The following CNTN6 variants were observed in gnomAD, a reference collection of about 807,000 sequenced individuals.
CNTN6 encodes contactin-6.
CNTN6 carries 137 observed loss-of-function variants against 122.8 expected under a neutral mutation model. The ratio of observed to expected loss-of-function variants is 1.12; its 90% CI spans 0.97 to 1.29. The LOEUF (loss-of-function observed/expected upper bound fraction) is 1.29, where lower values mean the gene tolerates loss of function less well. Ranked by LOEUF, CNTN6 falls within the 50% of genes most tolerant of loss-of-function variation. The probability of loss-of-function intolerance (pLI) is 0.00; values close to 1 mark genes in which losing one functional copy is unlikely to be tolerated. For synonymous variants in CNTN6, 570 were observed against 426.0 expected (o/e 1.34, Z -4.16); for missense variants, 1,634 against 1,223.4 (o/e 1.34, Z -5.01).
chr3:1,154,976 C>G (rs978656350), intron 2 of CNTN6, among the ~76,000 whole-genome samples: 2 of 152,094 alleles, frequency 1.3e-5, no homozygotes, highest in African/African-American at 4.8e-5. Context: ...GCTGTTCAGT[C>G]GTGTGAAACA....
At chr3:1,249,660 C>T (rs1320405565) in intron 4 of CNTN6, among the ~76,000 whole-genome samples, 1 of 152,180 alleles carries the variant, frequency 6.6e-6, no homozygotes, top group Non-Finnish European at 1.5e-5. Context: ...GATCTACTTT[C>T]ACATACATAT....
intron 4 of CNTN6, among the ~76,000 whole-genome samples, chr3:1,229,944 A>C (rs904211086): frequency 6.6e-6 from 1 of 152,200 alleles, no homozygotes; most frequent in African/African-American, 2.4e-5. Flanking sequence ...AAGAGCTTGC[A>C]AAAGCAAGGA....
chr3:1,268,511 G>A (rs1356148568), intron 4 of CNTN6, among the ~76,000 whole-genome samples: 2 of 149,788 alleles, frequency 1.3e-5, no homozygotes, highest in Non-Finnish European at 3.0e-5. Context: ...GGAGGCTGAG[G>A]CAGGAGAATG....
chr3:1,278,105 C>G (rs1460028917), intron 4 of CNTN6, among the ~76,000 whole-genome samples: 1 of 152,208 alleles, frequency 6.6e-6, no homozygotes, highest in Non-Finnish European at 1.5e-5. Flanking sequence ...CTTCCTTGGA[C>G]AGACAAAGTA....
At chr3:1,387,577 T>C (rs1389687719) in intron 20 of CNTN6, among the ~76,000 whole-genome samples, 1 of 152,082 alleles carries the variant, frequency 6.6e-6, no homozygotes, top group Admixed American at 6.5e-5. Flanking sequence ...GGAGCCAAGA[T>C]GGCCGAATAG....
intron 2 of CNTN6, among the ~76,000 whole-genome samples, chr3:1,196,776 G>T (rs575324203): frequency 6.6e-6 from 1 of 151,910 alleles, no homozygotes; most frequent in Non-Finnish European, 1.5e-5. Context: ...TTATTTATTC[G>T]CCAAATATGT....
chr3:1,320,658 G>A (rs1186985463), intron 7 of CNTN6, among the ~76,000 whole-genome samples: 1 of 151,724 alleles, frequency 6.6e-6, no homozygotes, highest in Non-Finnish European at 1.5e-5. Context: ...AATGAAGAAT[G>A]ACTTGACAAG....
At chr3:1,299,644 T>C (rs1696862945) in intron 7 of CNTN6, among the ~76,000 whole-genome samples, 1 of 152,202 alleles carries the variant, frequency 6.6e-6, no homozygotes, top group South Asian at 2.1e-4. Context: ...TTCAATCTTA[T>C]GTTTCTATTC....
intron 2 of CNTN6, among the ~76,000 whole-genome samples, chr3:1,214,024 A>G (rs983031113): frequency 4.6e-5 from 7 of 151,834 alleles, no homozygotes; most frequent in South Asian, 2.1e-4. Context: ...TCATTTTTCT[A>G]TTTTGTTGTT....
At chr3:1,124,365 TCTC>T (rs2092079506) in intron 1 of CNTN6, among the ~76,000 whole-genome samples, 1 of 151,832 alleles carries the variant, frequency 6.6e-6, no homozygotes, top group African/African-American at 2.4e-5. Context: ...TTCCCCTCCA[TCTC>T]CTCCAAACAC....
chr3:1,377,615 T>A (rs566367861), intron 17 of CNTN6, among the ~76,000 whole-genome samples: 90 of 152,182 alleles, frequency 5.9e-4, no homozygotes, highest in Non-Finnish European at 1.1e-3. Flanking sequence ...AACTGGAGTA[T>A]AAACGTTAGA....
chr3:1,344,069 TTAAG>T (rs1704288801), intron 11 of CNTN6, among the ~76,000 whole-genome samples: 1 of 152,056 alleles, frequency 6.6e-6, no homozygotes, highest in African/African-American at 2.4e-5. Context: ...GGGGCTGCGG[TTAAG>T]TTAGTTATTG....
intron 1 of CNTN6, among the ~76,000 whole-genome samples, chr3:1,131,082 C>G (rs190365675): frequency 1.3e-5 from 2 of 152,194 alleles, no homozygotes; most frequent in East Asian, 3.9e-4. Flanking sequence ...ATAAAGCTGG[C>G]TGCTGCTAAG....
At chr3:1,330,552 C>A (rs568848221) in intron 11 of CNTN6, among the ~76,000 whole-genome samples, 5 of 151,940 alleles carry the variant, frequency 3.3e-5, no homozygotes, top group South Asian at 2.1e-4. Context: ...TACCGTAGAG[C>A]CTTGTATACA....
rs1020707831 is a variant in CNTN6 at position 1,228,129 on chromosome 3, A to G, written c.358+136A>G. 5 of 736,796 alleles carry G rather than the reference A, an allele frequency of 6.8e-6. No individual in the cohort carries two copies. The East Asian group carries it at 1.1e-4, about 16-fold the overall frequency. 45.6% of individuals were successfully genotyped at this position (736,796 alleles called of 1,614,324 possible). On this transcript the variant is annotated intron_variant, in intron 4 of 22. Transcript: ENST00000446702. ...ACTTTATGGGCTTTTGACAATGTTC[A>G]TTTTGTGAATCTAGATTCTTGGGTA...
At position 1,297,900 on chromosome 3, in the gene CNTN6, G is replaced by T. The variant is rs370986050; in HGVS notation, c.670G>T (p.Glu224Ter). ...TTGATATTTAACAGGTGTGATGGGG[G>T]AATATGAACCAAAGATTGAAGTGCG... ...LVQRTDGVMG[E>*]YEPKIEVRFP... Residue 224 changes from glutamate to a stop codon, truncating the protein, a stop_gained, in exon 7 of 23, where the codon GAA (glutamate) becomes TAA (stop). Coordinates refer to ENST00000446702, the MANE Select transcript of CNTN6 (RefSeq NM_001289080.2). LOFTEE classifies it high-confidence loss of function. 6.8e-6 allele frequency: 11 copies of T among 1,611,008 alleles called. No individual in the cohort carries two copies. The highest frequency in any genetic ancestry group is 1.1e-5 in the South Asian group (1 of 90,308).
intron 7 of CNTN6, among the ~76,000 whole-genome samples, chr3:1,299,095 A>G (rs1696770782): frequency 6.6e-6 from 1 of 152,148 alleles, no homozygotes; most frequent in Admixed American, 6.5e-5. Flanking sequence ...CAGAATAGTC[A>G]TTTCTCATGG....
rs1405029995 is a variant in CNTN6, at chr3:1,402,480, A to G, written c.2980A>G (p.Met994Val). The stretch of plus-strand genomic sequence containing the variant: ...CAGTGAGGAAATTAGGATTCCAAAA[A>G]TGTCAAGTAAGTTGAGTCACCATTG... ...SSSEEIRIPK[M>V]SSLSSRGIQF... The change falls in exon 22 of 23, where the codon ATG becomes GTG. Residue 994 changes from methionine (M) to valine (V), a missense_variant. Coordinates refer to ENST00000446702, the MANE Select transcript of CNTN6 (RefSeq NM_001289080.2). The G allele has an allele frequency of 1.2e-6, 2 of 1,607,872 alleles. No individual in the cohort carries two copies. Among genetic ancestry groups the G allele is most frequent in the Non-Finnish European group, 1.7e-6 (2 of 1,175,760 alleles).
At position 1,301,024 on chromosome 3, in the gene CNTN6, C is replaced by CTTTTTTTT. The variant is rs562912841; in HGVS notation, c.761+3056_761+3063dup. On this transcript the variant is annotated intron_variant, in intron 7 of 22. Transcript: ENST00000446702. ...AATTTATAATACAGGAGTCCCTAAACTTTTTTTTTTTTTTTTTTTTTTTTT... is the reference window on the plus strand; with the variant it reads ...AATTTATAATACAGGAGTCCCTAAACTTTTTTTTTTTTTTTTTTTTTTTTTTTTTTTTT... 3.6e-4 allele frequency among the ~76,000 whole-genome samples: 34 copies of CTTTTTTTT among 93,274 alleles called. 3 individuals are homozygous for CTTTTTTTT. Among genetic ancestry groups the CTTTTTTTT allele is most frequent in the Non-Finnish European group, 5.6e-4 (28 of 49,798 alleles). 61.2% of individuals were successfully genotyped at this position (93,274 alleles called of 152,430 possible). A position where few individuals can be genotyped will look rare whatever the true frequency, so the allele number is the denominator to read the frequency against.
Sources: allele counts gnomAD v4.1 joint callset (sites outside exome capture counted in the v4.1 genomes callset), GRCh38; gene constraint gnomAD v4.1.1; transcripts MANE v1.5; gene names NCBI Gene and HGNC (gene_info 2026-07-23, HGNC 2026-07-21).